The following COLGALT2 variants were observed in gnomAD, a reference collection of about 807,000 sequenced individuals.
COLGALT2 encodes the protein collagen beta(1-O)galactosyltransferase 2.
A neutral mutation model predicts 73.4 loss-of-function variants in COLGALT2; 49 were observed. The ratio of observed to expected loss-of-function variants is 0.67; its 90% confidence interval spans 0.53 to 0.85. The LOEUF is 0.85. Among genes scored for constraint, COLGALT2 ranks in the 40% least tolerant of loss-of-function variants. COLGALT2 has a pLI of 0.00. For missense variants in COLGALT2, 722 were observed against 790.2 expected, an observed-to-expected ratio of 0.91 and a Z score of 1.03; for synonymous variants, 295 against 307.6, an observed-to-expected ratio of 0.96 and a Z score of 0.43.
rs750318322 is a variant in COLGALT2, at chr1:184,020,361, A to G, written c.263+16734T>C. ...GATTGGTAAGAATTAAAATGAAAAA[A>G]TACTATATACTGTTGTTGATGATAT... On this transcript the variant is annotated intron_variant, in intron 1 of 11. Transcript: ENST00000361927. Among the ~76,000 whole-genome samples, 61 of 152,228 alleles carry G rather than the reference A, an allele frequency of 4.0e-4. 1 individual carries two copies. Among genetic ancestry groups the G allele is most frequent in the Non-Finnish European group, 1.3e-4 (9 of 68,050 alleles).
In COLGALT2 at chr1:183,963,968, G is replaced by C. The variant is rs200284718; in HGVS notation, c.885C>G (p.Pro295=). The change falls in exon 6 of 12, where the codon CCC becomes CCG. Residue 295 remains proline (P), a synonymous_variant. Coordinates refer to ENST00000361927, the MANE Select transcript of COLGALT2 (RefSeq NM_015101.4). ...CCTGCAGTGTCTGATGGGGCTTCAG[G>C]GGGATGGGCAGGTAGCCATAGTGCT... ...NREHYGYLPI[P]LKPHQTLQED... 1.2e-4 allele frequency: 201 copies of C among 1,613,460 alleles called. No homozygotes were observed. The highest frequency in any genetic ancestry group is 3.8e-4 in the South Asian group (35 of 90,968).
intron 6 of COLGALT2, among the ~76,000 whole-genome samples, chr1:183,961,513 C>T (rs769324193): frequency 6.6e-6 from 1 of 152,108 alleles, no homozygotes; most frequent in Non-Finnish European, 1.5e-5. Context: ...TAAATGGAGT[C>T]ATAATAATAG....
downstream of COLGALT2, among the ~76,000 whole-genome samples, chr1:183,934,725 T>A (rs949556857): frequency 6.6e-6 from 1 of 152,216 alleles, no homozygotes; most frequent in Non-Finnish European, 1.5e-5. Flanking sequence ...AGACACATCT[T>A]TATTTTATAG....
At position 183,951,020 on chromosome 1, in the gene COLGALT2, C is replaced by T. The variant is rs1411602533; in HGVS notation, c.1123G>A (p.Ala375Thr). 1.9e-6 allele frequency: 3 copies of T among 1,612,978 alleles called. No homozygotes were observed. Among genetic ancestry groups the T allele is most frequent in the African/African-American group, 1.3e-5 (1 of 75,026 alleles). Reference protein sequence around the residue: ...EQEIEVKIVEAVDGKALNTSQ... With the variant: ...EQEIEVKIVETVDGKALNTSQ... The stretch of plus-strand genomic sequence containing the variant: ...AACCCAACTCACTTTCCATCCACAG[C>T]CTCGACAATCTTGACCTCAATCTCC... Residue 375 changes from alanine to threonine, a missense_variant, in exon 8 of 12, where the codon GCT (alanine) becomes ACT (threonine). By Grantham distance (58) the Ala-to-Thr change is moderately conservative. Coordinates refer to ENST00000361927, the MANE Select transcript of COLGALT2 (RefSeq NM_015101.4).
rs1649729659 is a variant in COLGALT2 at position 184,037,431 on chromosome 1, C to T, written c.-74G>A. ...CTGGGCTGCCTGAGGGCGGCGGCGG[C>T]TGCCGGGGAGCAAGGGGCTGCGAGG... On this transcript the variant is annotated 5_prime_UTR_variant, in exon 1 of 12. Transcript: ENST00000361927. 1 of 1,267,156 alleles carries T rather than the reference C, an allele frequency of 7.9e-7. No homozygotes were observed. Among genetic ancestry groups the T allele is most frequent in the Non-Finnish European group, 9.9e-7 (1 of 1,010,106 alleles). The allele number at this position is 1,267,156 out of a possible 1,614,324, so 78.5% of individuals were successfully genotyped here.
At chr1:184,034,101 A>T (rs558877570) in intron 1 of COLGALT2, among the ~76,000 whole-genome samples, 1 of 152,300 alleles carries the variant, frequency 6.6e-6, no homozygotes, top group South Asian at 2.1e-4. Context: ...ACCACCTCCC[A>T]TCAGAGTGTT....
At chr1:183,992,900 TATGGTACTCA>T (rs921107512) in intron 1 of COLGALT2, among the ~76,000 whole-genome samples, 1 of 152,220 alleles carries the variant, frequency 6.6e-6, no homozygotes, top group African/African-American at 2.4e-5. Flanking sequence ...CATTTATTTC[TATGGTACTCA>T]ATAATGTATT....
downstream of COLGALT2, among the ~76,000 whole-genome samples, chr1:183,931,831 T>G (rs1416826323): frequency 6.7e-6 from 1 of 150,048 alleles, no homozygotes; most frequent in East Asian, 1.9e-4. Context: ...GACTGAATGA[T>G]TTAAGCTGTT....
chr1:183,973,646 A>G lies in COLGALT2; in HGVS notation c.597T>C (p.Tyr199=), dbSNP rs1671109805. 2 of 1,614,020 alleles carry G rather than the reference A, an allele frequency of 1.2e-6. No individual in the cohort carries two copies. Among genetic ancestry groups the G allele is most frequent in the Non-Finnish European group, 1.7e-6 (2 of 1,180,024 alleles). The change falls in exon 4 of 12, where the codon TAT becomes TAC. Residue 199 remains tyrosine, a synonymous_variant. Transcript: ENST00000361927. ...GGGTGATTCCGCACCAGAAATTAGAATACAGGCCCCGAGACTCCAGCATGG... is the reference window on the plus strand; with the variant it reads ...GGGTGATTCCGCACCAGAAATTAGAGTACAGGCCCCGAGACTCCAGCATGG... ...VAPMLESRGL[Y]SNFWCGITPK... is the part of the protein sequence containing the mutation.
intron 6 of COLGALT2, among the ~76,000 whole-genome samples, chr1:183,957,401 C>G (rs910639006): frequency 6.6e-6 from 1 of 152,162 alleles, no homozygotes; most frequent in Non-Finnish European, 1.5e-5. Flanking sequence ...CTGGTATTAG[C>G]CAACCAGGCA....
At chr1:183,997,854 C>T (rs1190567079) in intron 1 of COLGALT2, among the ~76,000 whole-genome samples, 1 of 152,228 alleles carries the variant, frequency 6.6e-6, no homozygotes, top group Non-Finnish European at 1.5e-5. Context: ...GATAAATTCA[C>T]TGCCAATGCT....
intron 1 of COLGALT2, among the ~76,000 whole-genome samples, chr1:183,992,702 T>C (rs1001235428): frequency 6.6e-6 from 1 of 152,230 alleles, no homozygotes; most frequent in Non-Finnish European, 1.5e-5. Context: ...CCTGATGCAC[T>C]AGCTTTTTAA....
chr1:184,031,331 G>A (rs137866952), intron 1 of COLGALT2, among the ~76,000 whole-genome samples: 8 of 152,138 alleles, frequency 5.3e-5, no homozygotes, highest in Non-Finnish European at 4.4e-5. Flanking sequence ...CAAGTGACCT[G>A]CATATTTATG....
rs1228053777 is a variant in COLGALT2, at chr1:183,973,763, A to G, written c.493-13T>C. 1 of 1,612,266 alleles carries G rather than the reference A, an allele frequency of 6.2e-7. No homozygotes were observed. The highest frequency in any genetic ancestry group is 1.1e-5 in the South Asian group (1 of 90,672). Reference sequence around the variant, plus strand: ...CAACATCTATGAACTAGGAAAAGAAAAGGATAATGTTAGGTGAAAAGGTAC... The same window carrying G: ...CAACATCTATGAACTAGGAAAAGAAGAGGATAATGTTAGGTGAAAAGGTAC... On this transcript the variant is annotated splice_polypyrimidine_tract_variant and intron_variant, in intron 3 of 11. Transcript: ENST00000361927.
intron 1 of COLGALT2, among the ~76,000 whole-genome samples, chr1:184,031,357 A>C (rs760259936): frequency 1.2e-4 from 19 of 152,238 alleles, no homozygotes; most frequent in Non-Finnish European, 2.6e-4. Context: ...CCCACATTTT[A>C]GTCATAATCT....
chr1:183,969,220 C>A, intron 5 of COLGALT2, 49 bp downstream of exon 5: 1 of 1,447,542 alleles, frequency 6.9e-7, no homozygotes, highest in South Asian at 1.3e-5. Context: ...AGGAGCTGGT[C>A]ATTTTGCTGT....
chr1:184,018,895 C>T (rs1028426591), intron 1 of COLGALT2, among the ~76,000 whole-genome samples: 3 of 152,068 alleles, frequency 2.0e-5, no homozygotes, highest in Admixed American at 6.6e-5. Context: ...GGAGGGGAAG[C>T]GTTTTAAAAA....
At chr1:183,964,678 T>C (rs1238566446) in intron 5 of COLGALT2, among the ~76,000 whole-genome samples, 3 of 152,156 alleles carry the variant, frequency 2.0e-5, no homozygotes, top group Non-Finnish European at 4.4e-5. Flanking sequence ...ATACCAGAAG[T>C]ATGCAATACC....
chr1:183,936,451 G>C lies in COLGALT2; in HGVS notation c.*2310C>G. On this transcript the variant is annotated 3_prime_UTR_variant, in exon 12 of 12. Coordinates refer to ENST00000361927, the MANE Select transcript of COLGALT2 (RefSeq NM_015101.4). Reference sequence around the variant, plus strand: ...CAGTAGAACAGTCCTAGTCTAAAATGCTAGAATTTAAGTCCAAAGTCTTTT... The same window carrying C: ...CAGTAGAACAGTCCTAGTCTAAAATCCTAGAATTTAAGTCCAAAGTCTTTT... The C allele has an allele frequency of 1.0e-6, 1 of 988,626 alleles. No individual in the cohort carries two copies. Among genetic ancestry groups the C allele is most frequent in the South Asian group, 4.7e-5 (1 of 21,294 alleles). The allele number at this position is 988,626 out of a possible 1,614,324, so 61.2% of individuals were successfully genotyped here.
Sources: gnomAD v4.1 joint callset for allele counts (sites outside exome capture counted in the v4.1 genomes callset) on GRCh38, gnomAD v4.1.1 for gene constraint, MANE v1.5 for transcripts, NCBI Gene and HGNC (gene_info 2026-07-23, HGNC 2026-07-21) for gene names.